The following SCHIP1 variants were observed in gnomAD, a reference collection of about 807,000 sequenced individuals.
The protein encoded by SCHIP1 is schwannomin-interacting protein 1.
Under a neutral mutation model 29.7 loss-of-function variants are expected in SCHIP1, and 8 were observed. The observed-to-expected ratio is 0.27, with a 90% CI of 0.16 to 0.49. The LOEUF is 0.49. Among genes scored for constraint, SCHIP1 ranks in the 20% least tolerant of loss-of-function variants. SCHIP1 has a pLI of 0.99. For synonymous variants in SCHIP1, 76 were observed against 94.9 expected (o/e 0.80, Z 1.16); for missense variants, 193 against 294.6 (o/e 0.66, Z 2.52).
the SCHIP1 span, among the ~76,000 whole-genome samples, chr3:159,830,785 G>A: frequency 6.6e-6 from 1 of 152,256 alleles, no homozygotes; most frequent in South Asian, 2.1e-4. Flanking sequence ...GAAGTCACAG[G>A]CCAAATTAAG....
chr3:159,640,963 T>C, the SCHIP1 span, among the ~76,000 whole-genome samples: 1 of 152,276 alleles, frequency 6.6e-6, no homozygotes, highest in Non-Finnish European at 1.5e-5. Flanking sequence ...TGGACACACA[T>C]TTTTGACTTA....
chr3:159,825,959 T>C, the SCHIP1 span, among the ~76,000 whole-genome samples: 1 of 152,126 alleles, frequency 6.6e-6, no homozygotes, highest in Non-Finnish European at 1.5e-5. Context: ...TCCAGAAAAC[T>C]CAAAGGCCAC....
chr3:159,655,280 A>C, the SCHIP1 span, among the ~76,000 whole-genome samples: 1 of 152,228 alleles, frequency 6.6e-6, no homozygotes, highest in Non-Finnish European at 1.5e-5. Context: ...TAAGTATGAA[A>C]TGAAAGCCTG....
At chr3:159,355,561 G>T in the SCHIP1 span, among the ~76,000 whole-genome samples, 10 of 152,256 alleles carry the variant, frequency 6.6e-5, no homozygotes, top group African/African-American at 2.4e-4. Context: ...AACTTGATAA[G>T]CATCTATTGT....
the SCHIP1 span, among the ~76,000 whole-genome samples, chr3:159,393,002 A>C: frequency 6.6e-6 from 1 of 152,142 alleles, no homozygotes; most frequent in East Asian, 1.9e-4. Flanking sequence ...AATGATTGCC[A>C]TTCTAACTGG....
the SCHIP1 span, among the ~76,000 whole-genome samples, chr3:159,375,391 A>G: frequency 6.6e-6 from 1 of 152,248 alleles, no homozygotes; most frequent in Admixed American, 6.5e-5. Context: ...AGAATACAGC[A>G]TGTGCAATGT....
At chr3:159,821,053 T>A in the SCHIP1 span, among the ~76,000 whole-genome samples, 1 of 152,148 alleles carries the variant, frequency 6.6e-6, no homozygotes, top group Non-Finnish European at 1.5e-5. Flanking sequence ...TGACTACAGC[T>A]CCAGTGGGTA....
chr3:159,644,096 C>G, the SCHIP1 span, among the ~76,000 whole-genome samples: 195 of 152,228 alleles, frequency 1.3e-3, 1 homozygote, highest in Non-Finnish European at 2.2e-3. Context: ...GAGGGGCCCA[C>G]AGAAACTGCA....
At chr3:159,783,936 G>T in the SCHIP1 span, among the ~76,000 whole-genome samples, 1 of 152,196 alleles carries the variant, frequency 6.6e-6, no homozygotes, top group Admixed American at 6.5e-5. Context: ...CCAACAGAAA[G>T]TCAGGTATTC....
At chr3:159,277,277 T>G in the SCHIP1 span, among the ~76,000 whole-genome samples, 2 of 152,180 alleles carry the variant, frequency 1.3e-5, no homozygotes, top group African/African-American at 4.8e-5. Context: ...ATAGTAAATA[T>G]CTATTTTTAA....
chr3:159,889,867 T>G (rs1379232533), intron 5 of SCHIP1, among the ~76,000 whole-genome samples: 1 of 151,930 alleles, frequency 6.6e-6, no homozygotes, highest in Non-Finnish European at 1.5e-5. Context: ...GAGGCCGAGG[T>G]GGGCAGATCA....
chr3:159,436,065 T>C, the SCHIP1 span, among the ~76,000 whole-genome samples: 1 of 152,126 alleles, frequency 6.6e-6, no homozygotes, highest in Non-Finnish European at 1.5e-5. Flanking sequence ...TGGAAAATGA[T>C]AGTGAACAGA....
the SCHIP1 span, chr3:159,274,008 A>G: frequency 6.7e-7 from 1 of 1,494,278 alleles, no homozygotes; most frequent in South Asian, 1.3e-5. Flanking sequence ...TACATTTTTA[A>G]ATTCAGAATT....
chr3:159,712,605 A>G, the SCHIP1 span, among the ~76,000 whole-genome samples: 41 of 151,382 alleles, frequency 2.7e-4, no homozygotes, highest in African/African-American at 7.5e-4. Flanking sequence ...GGTCCCAGCT[A>G]TTTGGGAGGC....
intron 1 of SCHIP1, among the ~76,000 whole-genome samples, chr3:159,859,424 A>T (rs1713778015): frequency 6.6e-6 from 1 of 152,218 alleles, no homozygotes; most frequent in African/African-American, 2.4e-5. Flanking sequence ...GCTACCTATA[A>T]ATGTTAGAAT....
the SCHIP1 span, among the ~76,000 whole-genome samples, chr3:159,537,668 A>G: frequency 6.6e-6 from 1 of 152,108 alleles, no homozygotes; most frequent in South Asian, 2.1e-4. Flanking sequence ...CTACTACATG[A>G]GTACAGCTAC....
the SCHIP1 span, among the ~76,000 whole-genome samples, chr3:159,671,369 T>G: frequency 6.6e-6 from 1 of 152,132 alleles, no homozygotes; most frequent in Non-Finnish European, 1.5e-5. Flanking sequence ...CAGCTTTTCT[T>G]CATTGATTCT....
chr3:159,830,638 C>T, the SCHIP1 span, among the ~76,000 whole-genome samples: 1 of 152,084 alleles, frequency 6.6e-6, no homozygotes, highest in Admixed American at 6.5e-5. Flanking sequence ...ATTTTTGGGC[C>T]TCAGAGTATT....
the SCHIP1 span, among the ~76,000 whole-genome samples, chr3:159,439,324 A>G: frequency 6.6e-6 from 1 of 152,144 alleles, no homozygotes; most frequent in Non-Finnish European, 1.5e-5. Flanking sequence ...AAAACTTACA[A>G]TCATGGCAGA....
Sources: gnomAD v4.1 joint callset for allele counts (sites outside exome capture counted in the v4.1 genomes callset) on GRCh38, gnomAD v4.1.1 for gene constraint, MANE v1.5 for transcripts, NCBI Gene and HGNC (gene_info 2026-07-23, HGNC 2026-07-21) for gene names.